ZNF652: variants seen among roughly 807,000 people sequenced by gnomAD.
ZNF652 encodes zinc finger protein 652.
ZNF652 carries 16 observed loss-of-function variants against 45.2 expected under a neutral mutation model. The ratio of observed to expected loss-of-function variants is 0.35; its 90% CI spans 0.24 to 0.54. ZNF652 has a LOEUF of 0.54. ZNF652 is among the 20% of genes least tolerant of loss of function. The pLI is 0.91. For synonymous variants in ZNF652, 250 were observed against 260.6 expected, an observed-to-expected ratio of 0.96 and a Z score of 0.39; for missense variants, 614 against 765.6, an observed-to-expected ratio of 0.80 and a Z score of 2.34.
At chr17:49,311,273 C>G in intron 5 of ZNF652, 39 bp downstream of exon 5, 1 of 1,597,910 alleles carries the variant, frequency 6.3e-7, no homozygotes, top group African/African-American at 1.3e-5. Context: ...TCAACAAGTG[C>G]TTGAGACATT....
chr17:49,343,908 A>G (rs1451830880), intron 1 of ZNF652, among the ~76,000 whole-genome samples: 1 of 152,058 alleles, frequency 6.6e-6, no homozygotes, highest in Non-Finnish European at 1.5e-5. Context: ...CTTAAAAATT[A>G]GCTAGGCCGG....
chr17:49,353,559 C>T (rs1181854256), intron 1 of ZNF652, among the ~76,000 whole-genome samples: 1 of 152,066 alleles, frequency 6.6e-6, no homozygotes, highest in Non-Finnish European at 1.5e-5. Flanking sequence ...ACAACCTCCA[C>T]CTCCTGGGAA....
downstream of ZNF652, among the ~76,000 whole-genome samples, chr17:49,288,172 T>A (rs1392276382): frequency 6.6e-6 from 1 of 152,102 alleles, no homozygotes; most frequent in Non-Finnish European, 1.5e-5. Flanking sequence ...ATATATGTAT[T>A]GAGTAGCAAA....
rs2070406670 is a variant in ZNF652 at position 49,362,171 on chromosome 17, G to A, written c.-521C>T. 6.7e-6 allele frequency: 1 copy of A among 150,108 alleles called. No individual in the cohort carries two copies. The highest frequency in any genetic ancestry group is 6.6e-5 in the Admixed American group (1 of 15,044). The allele number at this position is 150,108 out of a possible 1,614,324, so 9.3% of individuals were successfully genotyped here. ...GAGGGCGAGCGGGGCCGGCGGGGCG[G>A]GCAGCGCGGGGCGGGCGGCAGGGGA... On this transcript the variant is annotated 5_prime_UTR_variant, in exon 1 of 6. Transcript: ENST00000430262.
intron 2 of ZNF652, 73 bp from the exon 3 acceptor site, chr17:49,312,918 C>T (rs766585597): frequency 1.0e-4 from 155 of 1,493,572 alleles, no homozygotes; most frequent in African/African-American, 2.7e-4. Context: ...GCAGACCAAA[C>T]GGATGTGCTT....
Position 49,291,789 on chromosome 17 carries a change from T to C in ZNF652, c.*6624A>G, listed in dbSNP as rs941410633. On this transcript the variant is annotated 3_prime_UTR_variant, in exon 6 of 6. Coordinates refer to ENST00000430262, the MANE Select transcript of ZNF652 (RefSeq NM_001145365.3). ...CTAGATCAATAATGAGGAAGAAACA[T>C]CATGGCAAATCAAGTGAAAGGTAAT... 4 of 152,214 alleles carry C rather than the reference T, an allele frequency of 2.6e-5. No individual in the cohort carries two copies. Among genetic ancestry groups the C allele is most frequent in the Admixed American group, 2.6e-4 (4 of 15,276 alleles). The allele number at this position is 152,214 out of a possible 1,614,324, so 9.4% of individuals were successfully genotyped here.
chr17:49,317,099 A>G lies in ZNF652; in HGVS notation c.627T>C (p.Thr209=). ...CTACACTCTTCCTACGACCTCTTGT[A>G]GTTCTGGGAGTAGGGGAAGTGGTAG... The part of the protein sequence containing the change: ...AAATTSPTPR[T]TRGRRKSVEP... Residue 209 remains threonine (T), a synonymous_variant, in exon 2 of 6, where the codon ACT becomes ACC. Transcript: ENST00000430262. 4 of 1,613,948 alleles carry G rather than the reference A, an allele frequency of 2.5e-6. No individual in the cohort carries two copies. Among genetic ancestry groups the G allele is most frequent in the Non-Finnish European group, 3.4e-6 (4 of 1,179,998 alleles).
Position 49,301,095 on chromosome 17 carries a change from T to A in ZNF652, c.1310-2171A>T, listed in dbSNP as rs560624944. Among the ~76,000 whole-genome samples the A allele has an allele frequency of 2.0e-5, 3 of 152,302 alleles. No individual in the cohort carries two copies. The South Asian group carries it at 6.2e-4, about 32-fold the overall frequency. ...TTTTCCCACCCTCCAGGACCCCTTC[T>A]TATACCTAAGAGAAAACACCTCTTT... is the stretch of plus-strand genomic sequence containing the variant. On this transcript the variant is annotated intron_variant, in intron 5 of 5. Coordinates refer to ENST00000430262, the MANE Select transcript of ZNF652 (RefSeq NM_001145365.3).
In ZNF652 at chr17:49,345,971, A is replaced by C. The variant is rs562717678; in HGVS notation, c.-259+15938T>G. Among the ~76,000 whole-genome samples the C allele has an allele frequency of 7.2e-5, 11 of 152,350 alleles. No individual in the cohort carries two copies. In the East Asian group the frequency reaches 1.9e-3, roughly 27 times the overall value. On this transcript the variant is annotated intron_variant, in intron 1 of 5. Coordinates refer to ENST00000430262, the MANE Select transcript of ZNF652 (RefSeq NM_001145365.3). ...ATAAGAAACACTTAAAATCAACATC[A>C]TCAAGCCTCAAAATATCAGACTTTT...
rs2069467194 is a variant in ZNF652, at chr17:49,295,928, A to C, written c.*2485T>G. The C allele has an allele frequency of 8.3e-6, 1 of 121,172 alleles. No individual in the cohort carries two copies. The highest frequency in any genetic ancestry group is 2.6e-4 in the South Asian group (1 of 3,786). 7.5% of individuals were successfully genotyped at this position (121,172 alleles called of 1,614,324 possible). A position where few individuals can be genotyped will look rare whatever the true frequency, so the allele number is the denominator to read the frequency against. On this transcript the variant is annotated 3_prime_UTR_variant, in exon 6 of 6. Coordinates refer to ENST00000430262, the MANE Select transcript of ZNF652 (RefSeq NM_001145365.3). ...ACTCCAGCCCAGGCAACAGAACAAG[A>C]CTCTGCCTCAAAAAAAAAAAAAAAA...
At chr17:49,346,293 G>T (rs1283823307) in intron 1 of ZNF652, among the ~76,000 whole-genome samples, 1 of 152,256 alleles carries the variant, frequency 6.6e-6, no homozygotes, top group Non-Finnish European at 1.5e-5. Context: ...GCTAATGCCT[G>T]TAATCCCAGC....
chr17:49,333,722 G>GAAAAA (rs749640282), intron 1 of ZNF652, among the ~76,000 whole-genome samples: 13 of 56,424 alleles, frequency 2.3e-4, no homozygotes, highest in East Asian at 5.6e-4. Context: ...TCTGTCTCAA[G>GAAAAA]AAAAAAAAAA....
intron 1 of ZNF652, among the ~76,000 whole-genome samples, chr17:49,356,658 T>G (rs914373344): frequency 1.4e-5 from 2 of 145,388 alleles, no homozygotes; most frequent in Non-Finnish European, 1.5e-5. Flanking sequence ...CCACCATATT[T>G]CAATCCCTCT....
At chr17:49,315,193 C>T (rs1399030005) in intron 2 of ZNF652, among the ~76,000 whole-genome samples, 1 of 151,928 alleles carries the variant, frequency 6.6e-6, no homozygotes, top group South Asian at 2.1e-4. Flanking sequence ...AGGCATGTGC[C>T]ACCACACCTG....
chr17:49,346,041 TG>T (rs2070201860), intron 1 of ZNF652, among the ~76,000 whole-genome samples: 1 of 152,208 alleles, frequency 6.6e-6, no homozygotes, highest in Admixed American at 6.5e-5. Context: ...ATGTGCCAAG[TG>T]CCGCAGCCAC....
At position 49,294,521 on chromosome 17, in the gene ZNF652, T is replaced by G. The variant is rs189530435; in HGVS notation, c.*3892A>C. The G allele has an allele frequency of 7.2e-5, 11 of 152,354 alleles. No homozygotes were observed. The highest frequency in any genetic ancestry group is 6.5e-4 in the Admixed American group (10 of 15,302). 9.4% of individuals were successfully genotyped at this position (152,354 alleles called of 1,614,324 possible). Reference sequence around the variant, plus strand: ...CCTTTAAATTGTTGTCTTTTCTTCATTCAAATTTAAAAATCTAACTCCGAA... The same window carrying G: ...CCTTTAAATTGTTGTCTTTTCTTCAGTCAAATTTAAAAATCTAACTCCGAA... On this transcript the variant is annotated 3_prime_UTR_variant, in exon 6 of 6. Coordinates refer to ENST00000430262, the MANE Select transcript of ZNF652 (RefSeq NM_001145365.3).
chr17:49,351,144 T>C (rs530171916), intron 1 of ZNF652, among the ~76,000 whole-genome samples: 90 of 151,412 alleles, frequency 5.9e-4, no homozygotes, highest in Non-Finnish European at 9.9e-4. Flanking sequence ...AATTAGCAAG[T>C]TGACTTGGGT....
chr17:49,362,233 G>C lies in ZNF652; in HGVS notation c.-583C>G, dbSNP rs2070408538. ...TGTGTGGATGTGTGTGCCGGAGGGG[G>C]CAGGGAGGGAGGCGAGCGGCGGCGA... is the stretch of plus-strand genomic sequence containing the variant. On this transcript the variant is annotated 5_prime_UTR_variant, in exon 1 of 6. Coordinates refer to ENST00000430262, the MANE Select transcript of ZNF652 (RefSeq NM_001145365.3). The C allele has an allele frequency of 6.6e-6, 1 of 150,664 alleles. No homozygotes were observed. The highest frequency in any genetic ancestry group is 2.4e-5 in the African/African-American group (1 of 41,174). 9.3% of individuals were successfully genotyped at this position (150,664 alleles called of 1,614,324 possible). A position where few individuals can be genotyped will look rare whatever the true frequency, so the allele number is the denominator to read the frequency against.
In ZNF652 at chr17:49,356,153, C is replaced by T. The variant is rs146410801; in HGVS notation, c.-259+5756G>A. On this transcript the variant is annotated intron_variant, in intron 1 of 5. Coordinates refer to ENST00000430262, the MANE Select transcript of ZNF652 (RefSeq NM_001145365.3). ...TAAAATGTGATATTACAGGGCCGGG[C>T]GCAGTGGCTCACACCTGTAATCTCA... Among the ~76,000 whole-genome samples, 71 of 151,956 alleles carry T rather than the reference C, an allele frequency of 4.7e-4. 1 individual carries two copies. The highest frequency in any genetic ancestry group is 1.5e-3 in the African/African-American group (64 of 41,416).
Sources: allele counts gnomAD v4.1 joint callset (sites outside exome capture counted in the v4.1 genomes callset), GRCh38; gene constraint gnomAD v4.1.1; transcripts MANE v1.5; gene names NCBI Gene and HGNC (gene_info 2026-07-23, HGNC 2026-07-21).